The following ZNF641 variants were observed in gnomAD, a reference collection of about 807,000 sequenced individuals.
The protein encoded by ZNF641 is zinc finger protein 641.
In ZNF641, 26 loss-of-function variants were observed where a neutral mutation model predicts 46.2. That is an observed-to-expected ratio of 0.56 (90% CI 0.41 to 0.78). The LOEUF is 0.78. ZNF641 is among the 30% of genes least tolerant of loss of function. ZNF641 has a pLI of 0.00. For synonymous variants in ZNF641, 163 were observed against 187.9 expected (o/e 0.87, Z 1.09); for missense variants, 469 against 517.8 (o/e 0.91, Z 0.91).
Position 48,339,759 on chromosome 12 carries a change from A to G in ZNF641, c.*3214T>C, listed in dbSNP as rs1435618620. 1.4e-5 allele frequency: 3 copies of G among 212,812 alleles called. No homozygotes were observed. Among genetic ancestry groups the G allele is most frequent in the Non-Finnish European group, 2.4e-5 (3 of 123,482 alleles). The allele number at this position is 212,812 out of a possible 1,614,324, so 13.2% of individuals were successfully genotyped here. On this transcript the variant is annotated 3_prime_UTR_variant, in exon 6 of 6. Transcript: ENST00000547026. ...TTGGAAAGGGAGGAATTTTGTCCCAAATTATCACCTCTTTGGTTCTCTGAA... is the reference window on the plus strand; with the variant it reads ...TTGGAAAGGGAGGAATTTTGTCCCAGATTATCACCTCTTTGGTTCTCTGAA...
At position 48,342,504 on chromosome 12, in the gene ZNF641, C is replaced by T. The variant is rs1226631860; in HGVS notation, c.*469G>A. On this transcript the variant is annotated 3_prime_UTR_variant, in exon 6 of 6. Transcript: ENST00000547026. ...ACTGAGGTCAAATACATTTAGGAAA[C>T]ACTGCCTTAATAGAACCTTCAGTTG... 1.1e-5 allele frequency: 10 copies of T among 891,660 alleles called. No homozygotes were observed. Among genetic ancestry groups the T allele is most frequent in the Admixed American group, 5.6e-5 (1 of 17,916 alleles). The allele number at this position is 891,660 out of a possible 1,614,324, so 55.2% of individuals were successfully genotyped here.
In ZNF641 at chr12:48,347,397, G is replaced by A. The variant is rs371735678; in HGVS notation, c.185-54C>T. 1.7e-5 allele frequency: 26 copies of A among 1,506,190 alleles called. No homozygotes were observed. In the Admixed American group the frequency reaches 1.9e-4, roughly 11 times the overall value. 93.3% of individuals were successfully genotyped at this position (1,506,190 alleles called of 1,614,324 possible). A position where few individuals can be genotyped will look rare whatever the true frequency, so the allele number is the denominator to read the frequency against. ...GAATAACGATCTACCCTTTCTCAATGGGGCCTGGGCCCCATTTTAGAGAGG... is the reference window on the plus strand; with the variant it reads ...GAATAACGATCTACCCTTTCTCAATAGGGCCTGGGCCCCATTTTAGAGAGG... On this transcript the variant is annotated intron_variant, in intron 2 of 5. Coordinates refer to ENST00000547026, the MANE Select transcript of ZNF641 (RefSeq NM_001172681.2).
rs999262482 is a variant in ZNF641 at position 48,340,314 on chromosome 12, A to G, written c.*2659T>C. On this transcript the variant is annotated 3_prime_UTR_variant, in exon 6 of 6. Coordinates refer to ENST00000547026, the MANE Select transcript of ZNF641 (RefSeq NM_001172681.2). ...TCTGGGGGCTTCACTTTCTATCCCT[A>G]CAATTACTCAAACAGATAAAAGGCT... 16 of 985,442 alleles carry G rather than the reference A, an allele frequency of 1.6e-5. No individual in the cohort carries two copies. The African/African-American group carries it at 2.6e-4, about 16-fold the overall frequency. The allele number at this position is 985,442 out of a possible 1,614,324, so 61.0% of individuals were successfully genotyped here. A position where few individuals can be genotyped will look rare whatever the true frequency, so the allele number is the denominator to read the frequency against.
chr12:48,339,987 T>C lies in ZNF641; in HGVS notation c.*2986A>G. ...GTACCAGATGGAAAAATGTGACAGG[T>C]TCCTGAAGATGATATCCCTGTTTTA... On this transcript the variant is annotated 3_prime_UTR_variant, in exon 6 of 6. Coordinates refer to ENST00000547026, the MANE Select transcript of ZNF641 (RefSeq NM_001172681.2). 1 of 985,326 alleles carries C rather than the reference T, an allele frequency of 1.0e-6. No homozygotes were observed. The highest frequency in any genetic ancestry group is 1.2e-6 in the Non-Finnish European group (1 of 829,916). 61.0% of individuals were successfully genotyped at this position (985,326 alleles called of 1,614,324 possible).
In ZNF641 at chr12:48,339,885, C is replaced by T. The variant is rs1952680028; in HGVS notation, c.*3088G>A. 1 of 964,528 alleles carries T rather than the reference C, an allele frequency of 1.0e-6. No homozygotes were observed. The highest frequency in any genetic ancestry group is 1.2e-6 in the Non-Finnish European group (1 of 810,826). 59.7% of individuals were successfully genotyped at this position (964,528 alleles called of 1,614,324 possible). A position where few individuals can be genotyped will look rare whatever the true frequency, so the allele number is the denominator to read the frequency against. On this transcript the variant is annotated 3_prime_UTR_variant, in exon 6 of 6. Transcript: ENST00000547026. ...GGTGAAAAGCTAACACTTTCGGTTA[C>T]AGTCTCCTATGCAAGGGATTCTTTG...
In ZNF641 at chr12:48,342,636, G is replaced by T; in HGVS notation, c.*337C>A. On this transcript the variant is annotated 3_prime_UTR_variant, in exon 6 of 6. Coordinates refer to ENST00000547026, the MANE Select transcript of ZNF641 (RefSeq NM_001172681.2). ...AGTATGCAAGAGTGATACTCAAAAT[G>T]TTTAACAACTGGTATAGCATAGACT... 2.1e-6 allele frequency: 1 copy of T among 480,110 alleles called. No individual in the cohort carries two copies. Among genetic ancestry groups the T allele is most frequent in the Non-Finnish European group, 3.0e-6 (1 of 338,088 alleles). 29.7% of individuals were successfully genotyped at this position (480,110 alleles called of 1,614,324 possible).
In ZNF641 at chr12:48,339,575, T is replaced by C. The variant is rs1007474530; in HGVS notation, c.*3398A>G. 1.3e-5 allele frequency: 2 copies of C among 152,296 alleles called. No individual in the cohort carries two copies. The highest frequency in any genetic ancestry group is 2.9e-5 in the Non-Finnish European group (2 of 68,056). 9.4% of individuals were successfully genotyped at this position (152,296 alleles called of 1,614,324 possible). A position where few individuals can be genotyped will look rare whatever the true frequency, so the allele number is the denominator to read the frequency against. On this transcript the variant is annotated 3_prime_UTR_variant, in exon 6 of 6. Coordinates refer to ENST00000547026, the MANE Select transcript of ZNF641 (RefSeq NM_001172681.2). ...CAGGCTCTCTAAGGATCTAAAGGAATGGATTTCACTTTTCTGATATTGCCC... is the reference window on the plus strand; with the variant it reads ...CAGGCTCTCTAAGGATCTAAAGGAACGGATTTCACTTTTCTGATATTGCCC...
At chr12:48,344,015 A>G (rs1431877037) in intron 5 of ZNF641, among the ~76,000 whole-genome samples, 1 of 152,280 alleles carries the variant, frequency 6.6e-6, no homozygotes, top group Non-Finnish European at 1.5e-5. Context: ...TCCGGCAGTT[A>G]TAAGATAGAT....
Position 48,343,510 on chromosome 12 carries a change from C to A in ZNF641, c.738G>T (p.Leu246=), listed in dbSNP as rs918618679. ...NLLCSTEMDS[L]LRPHTCPQCG... ...ACTGGGGGCATGTGTGGGGTCTTAA[C>A]AGGGAATCCATCTCTGTGCTACACA... The change falls in exon 6 of 6, where the codon CTG becomes CTT. Residue 246 remains leucine (L), a synonymous_variant. Coordinates refer to ENST00000547026, the MANE Select transcript of ZNF641 (RefSeq NM_001172681.2). The A allele has an allele frequency of 1.2e-6, 2 of 1,613,058 alleles. No homozygotes were observed. The highest frequency in any genetic ancestry group is 2.7e-5 in the African/African-American group (2 of 74,914).
chr12:48,342,714 T>G lies in ZNF641; in HGVS notation c.*259A>C. 1.3e-5 allele frequency: 16 copies of G among 1,201,474 alleles called. No homozygotes were observed. The highest frequency in any genetic ancestry group is 1.6e-5 in the Non-Finnish European group (15 of 925,612). The allele number at this position is 1,201,474 out of a possible 1,614,324, so 74.4% of individuals were successfully genotyped here. ...TAAACTGCCAGTACCACTCTCCTCT[T>G]GAGAACAGCTCAGGCTGAATATCAG... On this transcript the variant is annotated 3_prime_UTR_variant, in exon 6 of 6. Transcript: ENST00000547026.
At position 48,338,542 on chromosome 12, in the gene ZNF641, T is replaced by A. The variant is rs1424903347; in HGVS notation, c.*4431A>T. 1 of 152,248 alleles carries A rather than the reference T, an allele frequency of 6.6e-6. No individual in the cohort carries two copies. The allele number at this position is 152,248 out of a possible 1,614,324, so 9.4% of individuals were successfully genotyped here. A position where few individuals can be genotyped will look rare whatever the true frequency, so the allele number is the denominator to read the frequency against. On this transcript the variant is annotated 3_prime_UTR_variant, in exon 6 of 6. Transcript: ENST00000547026. ...TCATAGGTGCGCCTGGGAGAGGAACTGGAGGAGGTAGCAGGGTCAGAGACT... is the reference window on the plus strand; with the variant it reads ...TCATAGGTGCGCCTGGGAGAGGAACAGGAGGAGGTAGCAGGGTCAGAGACT...
At position 48,339,160 on chromosome 12, in the gene ZNF641, T is replaced by C. The variant is rs2634682; in HGVS notation, c.*3813A>G. On this transcript the variant is annotated 3_prime_UTR_variant, in exon 6 of 6. Transcript: ENST00000547026. ...ATATTGGTGACTAGCCCCAGTTCTT[T>C]TACTGAGTTAAGAGTGGAAGAAGAC... is the stretch of plus-strand genomic sequence containing the variant. The C allele has an allele frequency of 0.24, 36,361 of 152,046 alleles. 5,541 individuals are homozygous for C. Among genetic ancestry groups the C allele is most frequent in the South Asian group, 0.36 (1,723 of 4,822 alleles). 9.4% of individuals were successfully genotyped at this position (152,046 alleles called of 1,614,324 possible). A position where few individuals can be genotyped will look rare whatever the true frequency, so the allele number is the denominator to read the frequency against.
At chr12:48,336,104 A>G (rs755076546), downstream of ZNF641, among the ~76,000 whole-genome samples, 3 of 152,204 alleles carry the variant, frequency 2.0e-5, no homozygotes, top group Non-Finnish European at 2.9e-5. Context: ...TGTTTAAACT[A>G]TACTACACAT....
chr12:48,351,023 T>TGGGAGGGAGAGGAGTGGGA (rs1565997461), upstream of ZNF641: 12 of 81,430 alleles, frequency 1.5e-4, no homozygotes, highest in Non-Finnish European at 3.0e-4. Context: ...GGGAGAGGAG[T>TGGGAGGGAGAGGAGTGGGA]GGGAGGGAGG....
At chr12:48,334,641 C>T (rs1043770694), downstream of ZNF641, among the ~76,000 whole-genome samples, 3 of 151,958 alleles carry the variant, frequency 2.0e-5, no homozygotes, top group African/African-American at 4.8e-5. Flanking sequence ...GGAAGAATGC[C>T]TCTGAAAAGA....
intron 3 of ZNF641, among the ~76,000 whole-genome samples, chr12:48,346,222 G>A (rs1489271074): frequency 6.6e-6 from 1 of 152,006 alleles, no homozygotes; most frequent in Non-Finnish European, 1.5e-5. Context: ...ATATTTTTAG[G>A]CAGCACAGTA....
chr12:48,344,581 C>A lies in ZNF641; in HGVS notation c.520+18G>T, dbSNP rs780856384. On this transcript the variant is annotated intron_variant, in intron 5 of 5. Coordinates refer to ENST00000547026, the MANE Select transcript of ZNF641 (RefSeq NM_001172681.2). ...GAACTGTGAAGGAAGTGGCTGAAAGCCTATTCTAGGTTCTTACCTGTATAT... is the reference window on the plus strand; with the variant it reads ...GAACTGTGAAGGAAGTGGCTGAAAGACTATTCTAGGTTCTTACCTGTATAT... The A allele has an allele frequency of 2.0e-6, 3 of 1,522,044 alleles. No individual in the cohort carries two copies. In the African/African-American group the frequency reaches 4.1e-5, roughly 21 times the overall value. The allele number at this position is 1,522,044 out of a possible 1,614,324, so 94.3% of individuals were successfully genotyped here.
At chr12:48,350,122 G>A in intron 1 of ZNF641, 1 of 1,613,198 alleles carries the variant, frequency 6.2e-7, no homozygotes, top group East Asian at 2.2e-5. Context: ...CCCTAACCTC[G>A]TTTCTCCTGG....
In ZNF641 at chr12:48,343,462, A is replaced by C. The variant is rs2732484; in HGVS notation, c.786T>G (p.Gly262=). Residue 262 remains glycine (G), a synonymous_variant, in exon 6 of 6, where the codon GGT becomes GGG. Coordinates refer to ENST00000547026, the MANE Select transcript of ZNF641 (RefSeq NM_001172681.2). ...TTTGTTGATGCCTGGCAAGGTGGGA[A>C]CCCCATACAAACTGTTTCCCACACT... is the stretch of plus-strand genomic sequence containing the variant. ...CPQCGKQFVW[G]SHLARHQQTH... is the part of the protein sequence containing the mutation. 497,034 of 1,613,718 alleles carry C rather than the reference A, an allele frequency of 0.31. 82,444 individuals are homozygous for C. The highest frequency in any genetic ancestry group is 0.38 in the South Asian group (34,408 of 91,052).
Sources: gnomAD v4.1 joint callset for allele counts (sites outside exome capture counted in the v4.1 genomes callset) on GRCh38, gnomAD v4.1.1 for gene constraint, MANE v1.5 for transcripts, NCBI Gene and HGNC (gene_info 2026-07-23, HGNC 2026-07-21) for gene names.